ANO3: variants seen among roughly 807,000 people sequenced by gnomAD.
The protein encoded by ANO3 is anoctamin 3, also known as anoctamin-3.
Under a neutral mutation model 144.8 loss-of-function variants are expected in ANO3, and 99 were observed. That is an observed-to-expected ratio of 0.68 (90% CI 0.58 to 0.81). The LOEUF is 0.81. ANO3 is among the 30% of genes least tolerant of loss of function. ANO3 has a pLI of 0.00. For synonymous variants in ANO3, 414 were observed against 392.6 expected, an observed-to-expected ratio of 1.05 and a Z score of -0.64; for missense variants, 905 against 1,202.2, an observed-to-expected ratio of 0.75 and a Z score of 3.66.
chr11:26,616,738 A>G (rs1852273531), intron 17 of ANO3, among the ~76,000 whole-genome samples: 1 of 152,066 alleles, frequency 6.6e-6, no homozygotes, highest in African/African-American at 2.4e-5. Context: ...TGGGAGGTTT[A>G]CCCTCAAACA....
chr11:26,562,494 A>G (rs1850333525), intron 14 of ANO3, among the ~76,000 whole-genome samples: 1 of 151,972 alleles, frequency 6.6e-6, no homozygotes, highest in Admixed American at 6.6e-5. Flanking sequence ...TTGATATTAT[A>G]TTATTAAAGC....
chr11:26,325,314 A>C (rs1005476500), intron 1 of ANO3, among the ~76,000 whole-genome samples: 1 of 152,176 alleles, frequency 6.6e-6, no homozygotes, highest in African/African-American at 2.4e-5. Context: ...ATTCCAGTGT[A>C]TATTTGTTAA....
At chr11:26,273,246 A>G (rs79033400) in intron 1 of ANO3, among the ~76,000 whole-genome samples, 1 of 79,708 alleles carries the variant, frequency 1.3e-5, no homozygotes. Context: ...TTTTTTTTTT[A>G]TATTGGACAA....
At chr11:26,372,552 A>G (rs1049279904) in intron 1 of ANO3, among the ~76,000 whole-genome samples, 4 of 152,218 alleles carry the variant, frequency 2.6e-5, no homozygotes, top group African/African-American at 4.8e-5. Context: ...TTCATGCCTG[A>G]ATAATTAAGT....
At chr11:26,597,332 G>C (rs1184443659) in intron 14 of ANO3, among the ~76,000 whole-genome samples, 1 of 152,158 alleles carries the variant, frequency 6.6e-6, no homozygotes, top group Non-Finnish European at 1.5e-5. Flanking sequence ...TCTATTAGAA[G>C]CCATGGGTCA....
chr11:26,444,675 A>G (rs1164845876), intron 3 of ANO3, among the ~76,000 whole-genome samples: 3 of 152,226 alleles, frequency 2.0e-5, no homozygotes, highest in African/African-American at 4.8e-5. Flanking sequence ...TAAACATTTA[A>G]TATGGCCAGG....
intron 1 of ANO3, among the ~76,000 whole-genome samples, chr11:26,239,368 A>G (rs1039781384): frequency 6.6e-6 from 1 of 152,136 alleles, no homozygotes; most frequent in Non-Finnish European, 1.5e-5. Flanking sequence ...TTACAGTCAC[A>G]TTTTGAAAAT....
At chr11:26,268,724 G>A (rs1271753531) in intron 1 of ANO3, among the ~76,000 whole-genome samples, 1 of 152,084 alleles carries the variant, frequency 6.6e-6, no homozygotes, top group Admixed American at 6.6e-5. Flanking sequence ...AGATCAGTGC[G>A]ACCACAGCTG....
At chr11:26,238,156 C>G (rs1378436792) in intron 1 of ANO3, among the ~76,000 whole-genome samples, 2 of 152,126 alleles carry the variant, frequency 1.3e-5, no homozygotes, top group Admixed American at 1.3e-4. Flanking sequence ...CAGAATTAAA[C>G]TTGAGCACAA....
At chr11:26,549,412 G>C (rs968567893) in intron 12 of ANO3, among the ~76,000 whole-genome samples, 2 of 151,918 alleles carry the variant, frequency 1.3e-5, no homozygotes, top group African/African-American at 4.8e-5. Context: ...TTGAGTTGTA[G>C]GTGTTATCAT....
In ANO3 at chr11:26,193,751, T is replaced by C. The variant is rs117786861; in HGVS notation, c.154+4421T>C. 1.4e-3 allele frequency among the ~76,000 whole-genome samples: 207 copies of C among 152,338 alleles called. 1 individual carries two copies. The East Asian group carries it at 0.038, about 28-fold the overall frequency. On this transcript the variant is annotated intron_variant, in intron 1 of 27. Coordinates refer to the ANO3 transcript ENST00000672621. The stretch of plus-strand genomic sequence containing the variant: ...TATTTTTGTACTTTTCTGAGCTACA[T>C]ATAATAATTGAATACTTATAATAAT...
At chr11:26,608,988 C>T (rs780214806) in intron 17 of ANO3, among the ~76,000 whole-genome samples, 10 of 152,168 alleles carry the variant, frequency 6.6e-5, no homozygotes, top group Non-Finnish European at 1.3e-4. Context: ...GGGAACTCAA[C>T]GGGCTTAAGC....
Position 26,396,483 on chromosome 11 carries a change from A to ATG in ANO3, c.47-45435_47-45434insTG, listed in dbSNP as rs1857016045. 2.6e-5 allele frequency among the ~76,000 whole-genome samples: 4 copies of ATG among 152,290 alleles called. No homozygotes were observed. In the South Asian group the frequency reaches 8.3e-4, roughly 32 times the overall value. On this transcript the variant is annotated intron_variant, in intron 1 of 26. Coordinates refer to ENST00000256737, the MANE Select transcript of ANO3 (RefSeq NM_031418.4). ...GGTTATAAATCATTTTACTATAAAG[A>ATG]CACGTGCACACATATGTTTATTGCA...
At chr11:26,395,158 T>C (rs1275642568) in intron 1 of ANO3, among the ~76,000 whole-genome samples, 3 of 152,176 alleles carry the variant, frequency 2.0e-5, no homozygotes, top group Non-Finnish European at 4.4e-5. Context: ...ACCAGTACCA[T>C]GCTATTTTGG....
At chr11:26,367,016 C>G (rs1025284835) in intron 1 of ANO3, among the ~76,000 whole-genome samples, 6 of 152,318 alleles carry the variant, frequency 3.9e-5, no homozygotes, top group Non-Finnish European at 7.3e-5. Context: ...AAAGGATTCT[C>G]TATTTAACAA....
chr11:26,337,547 G>A (rs929938618), intron 1 of ANO3, among the ~76,000 whole-genome samples: 5 of 152,112 alleles, frequency 3.3e-5, no homozygotes, highest in Non-Finnish European at 7.4e-5. Flanking sequence ...TGGAGTTGAT[G>A]ATTATATAAA....
At chr11:26,388,838 GTA>G (rs1156321008) in intron 1 of ANO3, among the ~76,000 whole-genome samples, 1 of 152,058 alleles carries the variant, frequency 6.6e-6, no homozygotes, top group Non-Finnish European at 1.5e-5. Flanking sequence ...GTTTAGCTGT[GTA>G]TACACACACG....
At chr11:26,550,398 G>A (rs898193494) in intron 12 of ANO3, among the ~76,000 whole-genome samples, 2 of 151,714 alleles carry the variant, frequency 1.3e-5, no homozygotes, top group Non-Finnish European at 2.9e-5. Context: ...TTACATAACT[G>A]AAACTTTTTA....
intron 1 of ANO3, among the ~76,000 whole-genome samples, chr11:26,346,027 C>A (rs1209876568): frequency 6.6e-6 from 1 of 152,190 alleles, no homozygotes; most frequent in Non-Finnish European, 1.5e-5. Flanking sequence ...TTGGGGCCTA[C>A]TGTGCATCTG....
Sources: gnomAD v4.1 joint callset for allele counts (sites outside exome capture counted in the v4.1 genomes callset) on GRCh38, gnomAD v4.1.1 for gene constraint, MANE v1.5 for transcripts, NCBI Gene and HGNC (gene_info 2026-07-23, HGNC 2026-07-21) for gene names.